Variants in FYB2 observed in about 807,000 individuals in gnomAD.
FYB2 encodes the protein FYN-binding protein 2.
Under a neutral mutation model 94.1 loss-of-function variants are expected in FYB2, and 103 were observed. The observed-to-expected ratio is 1.09, with a 90% CI of 0.93 to 1.29. The LOEUF (loss-of-function observed/expected upper bound fraction) is 1.29. FYB2 is among the 50% of genes most tolerant of loss of function. The pLI is 0.00. For missense variants in FYB2, 896 were observed against 841.5 expected, an observed-to-expected ratio of 1.06 and a Z score of -0.80; for synonymous variants, 293 against 287.9, an observed-to-expected ratio of 1.02 and a Z score of -0.18.
At chr1:56,760,262 C>A (rs2100761270) in intron 5 of FYB2, among the ~76,000 whole-genome samples, 1 of 152,228 alleles carries the variant, frequency 6.6e-6, no homozygotes, top group East Asian at 1.9e-4. Flanking sequence ...CTGTTTTTCT[C>A]TTTCTTGCTG....
At chr1:56,738,216 T>C (rs931610392) in intron 14 of FYB2, among the ~76,000 whole-genome samples, 2 of 152,124 alleles carry the variant, frequency 1.3e-5, no homozygotes, top group African/African-American at 4.8e-5. Flanking sequence ...AATGTGATCA[T>C]ATTCAGTTAG....
chr1:56,740,914 T>C (rs1644937461), intron 12 of FYB2, 119 bp from the exon 13 acceptor site: 3 of 599,384 alleles, frequency 5.0e-6, no homozygotes, highest in Admixed American at 6.6e-5. Context: ...AGCTAAACAA[T>C]AGGTATACAT....
At chr1:56,815,767 T>C (rs186466932) in intron 1 of FYB2, among the ~76,000 whole-genome samples, 21 of 152,294 alleles carry the variant, frequency 1.4e-4, no homozygotes, top group Admixed American at 1.2e-3. Context: ...TAAACTTAAG[T>C]ATACTTCAAC....
chr1:56,780,518 G>A (rs1645984174), intron 4 of FYB2, among the ~76,000 whole-genome samples: 1 of 152,176 alleles, frequency 6.6e-6, no homozygotes, highest in Non-Finnish European at 1.5e-5. Flanking sequence ...GATCCAGGCT[G>A]ACCAGGTCAA....
intron 17 of FYB2, chr1:56,720,724 A>C (rs2100469431): frequency 6.3e-6 from 1 of 158,006 alleles, no homozygotes; most frequent in East Asian, 1.9e-4. Context: ...CTAGGTATTA[A>C]GCCCAGCATG....
chr1:56,779,347 T>C (rs1475124252), intron 4 of FYB2, among the ~76,000 whole-genome samples: 1 of 152,126 alleles, frequency 6.6e-6, no homozygotes, highest in African/African-American at 2.4e-5. Context: ...AGCGTGCCTC[T>C]CATGTGGGCT....
At chr1:56,726,619 A>C (rs1178729419) in intron 15 of FYB2, 36 bp from the exon 16 acceptor site, 24 of 1,535,614 alleles carry the variant, frequency 1.6e-5, no homozygotes, top group Non-Finnish European at 2.1e-5. Context: ...GTAAATTAAG[A>C]CTGAATTATA....
At chr1:56,814,197 T>C (rs1646829133) in intron 1 of FYB2, among the ~76,000 whole-genome samples, 1 of 152,074 alleles carries the variant, frequency 6.6e-6, no homozygotes, top group Non-Finnish European at 1.5e-5. Flanking sequence ...ACATGAGGGA[T>C]GTGGTGCGGG....
intron 4 of FYB2, among the ~76,000 whole-genome samples, chr1:56,781,664 A>G (rs916638902): frequency 2.0e-5 from 3 of 152,156 alleles, no homozygotes; most frequent in Non-Finnish European, 4.4e-5. Flanking sequence ...TTTATACAGC[A>G]TCCAGAATGA....
chr1:56,766,491 T>G (rs767819459), intron 5 of FYB2, among the ~76,000 whole-genome samples: 1 of 152,024 alleles, frequency 6.6e-6, no homozygotes, highest in Non-Finnish European at 1.5e-5. Context: ...TGGAGTGCAG[T>G]GGCGCGATCT....
chr1:56,793,075 A>G lies in FYB2; in HGVS notation c.10-272T>C, dbSNP rs1570176305. The stretch of plus-strand genomic sequence containing the variant: ...TTAATTTTCACACAGCACATAAAGA[A>G]CACCTATATACAGTACTAAAAACAG... On this transcript the variant is annotated intron_variant, in intron 1 of 19. Transcript: ENST00000343433. 2.0e-5 allele frequency among the ~76,000 whole-genome samples: 3 copies of G among 152,278 alleles called. No individual in the cohort carries two copies. In the South Asian group the frequency reaches 6.2e-4, roughly 32 times the overall value.
At chr1:56,811,963 A>T (rs1295477534) in intron 1 of FYB2, among the ~76,000 whole-genome samples, 2 of 151,882 alleles carry the variant, frequency 1.3e-5, no homozygotes, top group Non-Finnish European at 2.9e-5. Context: ...GCCTAAGATC[A>T]CACTCTGGTC....
chr1:56,776,448 G>A (rs960233622), intron 4 of FYB2, among the ~76,000 whole-genome samples: 1 of 152,094 alleles, frequency 6.6e-6, no homozygotes, highest in African/African-American at 2.4e-5. Flanking sequence ...TGTCTTCTAA[G>A]TGTTTTAGGA....
At chr1:56,794,481 C>G (rs955853034) in intron 1 of FYB2, among the ~76,000 whole-genome samples, 1 of 152,158 alleles carries the variant, frequency 6.6e-6, no homozygotes, top group African/African-American at 2.4e-5. Flanking sequence ...ATGGCAGTGA[C>G]TTTTGATTTT....
intron 4 of FYB2, among the ~76,000 whole-genome samples, chr1:56,775,039 G>T (rs996440995): frequency 6.6e-6 from 1 of 152,150 alleles, no homozygotes; most frequent in Admixed American, 6.5e-5. Context: ...TGAGATTTTG[G>T]AATTTGGACT....
intron 15 of FYB2, among the ~76,000 whole-genome samples, chr1:56,729,533 T>C (rs11206909): frequency 1.3e-5 from 2 of 151,918 alleles, no homozygotes; most frequent in African/African-American, 4.8e-5. Flanking sequence ...GCAAATATTA[T>C]TAGGTCAAAA....
rs112139461 is a variant in FYB2 at position 56,788,219 on chromosome 1, G to C, written c.919+754C>G. Among the ~76,000 whole-genome samples the C allele has an allele frequency of 3.8e-4, 58 of 152,334 alleles. 3 individuals carry two copies. Among genetic ancestry groups the C allele is most frequent in the African/African-American group, 1.4e-3 (57 of 41,580 alleles). On this transcript the variant is annotated intron_variant, in intron 3 of 19. Coordinates refer to ENST00000343433, the MANE Select transcript of FYB2 (RefSeq NM_001004303.5). ...TTTAACCATGAAGTTGCCCAAAGCA[G>C]TTAAAATGAACAAAGACTGTGTTAG...
At chr1:56,814,606 T>A (rs990204280) in intron 1 of FYB2, among the ~76,000 whole-genome samples, 1 of 152,178 alleles carries the variant, frequency 6.6e-6, no homozygotes. Context: ...CCCAGTCTTT[T>A]GGACTTGTGA....
chr1:56,806,610 G>A (rs1646653059), intron 1 of FYB2, among the ~76,000 whole-genome samples: 1 of 152,114 alleles, frequency 6.6e-6, no homozygotes, highest in African/African-American at 2.4e-5. Context: ...ATATCAAAAT[G>A]ATATTTTGCA....
Sources: gnomAD v4.1 joint callset for allele counts (sites outside exome capture counted in the v4.1 genomes callset) on GRCh38, gnomAD v4.1.1 for gene constraint, MANE v1.5 for transcripts, NCBI Gene and HGNC (gene_info 2026-07-23, HGNC 2026-07-21) for gene names.